The following STX8 variants were observed in gnomAD, a reference collection of about 807,000 sequenced individuals.
The protein encoded by STX8 is syntaxin 8.
STX8 carries 23 observed loss-of-function variants against 37.5 expected under a neutral mutation model. The observed-to-expected ratio is 0.61, with a 90% CI of 0.44 to 0.87. The LOEUF (loss-of-function observed/expected upper bound fraction) is 0.87. STX8 is among the 40% of genes least tolerant of loss of function. STX8 has a pLI of 0.00. For synonymous variants in STX8, 115 were observed against 99.1 expected (o/e 1.16, Z -0.95); for missense variants, 313 against 284.7 (o/e 1.10, Z -0.71).
At chr17:9,431,318 C>T (rs1374150076) in intron 6 of STX8, among the ~76,000 whole-genome samples, 1 of 151,330 alleles carries the variant, frequency 6.6e-6, no homozygotes, top group African/African-American at 2.4e-5. Context: ...ATCCACCTGC[C>T]TCGGCCTCCC....
chr17:9,512,686 G>T (rs1371013705), intron 4 of STX8, among the ~76,000 whole-genome samples: 2 of 151,942 alleles, frequency 1.3e-5, no homozygotes, highest in African/African-American at 4.8e-5. Flanking sequence ...ACTCCAATCT[G>T]CCCACCTCAG....
At position 9,378,556 on chromosome 17, in the gene STX8, A is replaced by G. The variant is rs138013675; in HGVS notation, c.639T>C (p.Ser213=). The change falls in exon 7 of 8, where the codon TCT becomes TCC. Residue 213 remains serine (S), a synonymous_variant. Coordinates refer to ENST00000306357, the MANE Select transcript of STX8 (RefSeq NM_004853.3). ...CATAACGTAGCTATCTCTTACCACAAGAGGCTGACTTTCTGTCCACCATGT... is the reference window on the plus strand; with the variant it reads ...CATAACGTAGCTATCTCTTACCACAGGAGGCTGACTTTCTGTCCACCATGT... The part of the protein sequence containing the change: ...RVNMVDRKSA[S]CGMIMVILLL... 3,775 of 1,613,276 alleles carry G rather than the reference A, an allele frequency of 2.3e-3. 6 individuals carry two copies. Among genetic ancestry groups the G allele is most frequent in the Admixed American group, 3.1e-3 (184 of 59,996 alleles).
chr17:9,484,704 G>A (rs572928671), intron 6 of STX8, among the ~76,000 whole-genome samples: 86 of 151,440 alleles, frequency 5.7e-4, no homozygotes, highest in African/African-American at 2.0e-3. Context: ...GTGCGTGCCC[G>A]TAATCCCAGC....
chr17:9,503,478 A>G (rs1237001495), intron 5 of STX8, among the ~76,000 whole-genome samples: 2 of 152,162 alleles, frequency 1.3e-5, no homozygotes, highest in East Asian at 3.9e-4. Flanking sequence ...CATATCAACT[A>G]CATCTCAATA....
intron 1 of STX8, among the ~76,000 whole-genome samples, chr17:9,573,131 G>A (rs1907751747): frequency 7.2e-6 from 1 of 139,218 alleles, no homozygotes; most frequent in Admixed American, 7.5e-5. Context: ...CTAAGGCAAG[G>A]GCATTCCAAA....
chr17:9,327,905 C>T (rs1018070783), intron 7 of STX8, among the ~76,000 whole-genome samples: 5 of 147,850 alleles, frequency 3.4e-5, no homozygotes, highest in African/African-American at 1.3e-4. Flanking sequence ...CTCCCTCCCT[C>T]CCTTTCCTTC....
At chr17:9,401,211 A>G (rs548549852) in intron 6 of STX8, among the ~76,000 whole-genome samples, 1 of 152,356 alleles carries the variant, frequency 6.6e-6, no homozygotes, top group East Asian at 1.9e-4. Context: ...TTAGAGATTG[A>G]GAAAGTCTAG....
At chr17:9,283,834 G>A (rs187520148) in intron 7 of STX8, among the ~76,000 whole-genome samples, 11 of 152,262 alleles carry the variant, frequency 7.2e-5, no homozygotes, top group African/African-American at 2.4e-4. Context: ...AGTCTACTCA[G>A]AAAAGTCTGA....
intron 6 of STX8, among the ~76,000 whole-genome samples, chr17:9,490,722 T>C (rs141715409): frequency 4.3e-4 from 65 of 152,318 alleles, no homozygotes; most frequent in Non-Finnish European, 7.3e-4. Context: ...AAACCTTAGA[T>C]AGAATACTTT....
chr17:9,566,013 GAACA>G lies in STX8; in HGVS notation c.117+2354_117+2357del, dbSNP rs1907445201. ...CAGAAAAGGAAACTATCCACAGAGT[GAACA>G]AACAACCTACACATTGTGAGAAAAT... is the stretch of plus-strand genomic sequence containing the variant. On this transcript the variant is annotated intron_variant, in intron 2 of 7. Transcript: ENST00000306357. Among the ~76,000 whole-genome samples the G allele has an allele frequency of 5.9e-5, 9 of 152,270 alleles. No individual in the cohort carries two copies. In the South Asian group the frequency reaches 1.9e-3, roughly 32 times the overall value.
chr17:9,452,991 A>G (rs1905089128), intron 6 of STX8, among the ~76,000 whole-genome samples: 2 of 152,016 alleles, frequency 1.3e-5, no homozygotes, highest in East Asian at 3.9e-4. Flanking sequence ...TTTTTAGTAG[A>G]GACGGGGTTT....
chr17:9,336,393 C>T (rs1313601688), intron 7 of STX8, among the ~76,000 whole-genome samples: 1 of 151,604 alleles, frequency 6.6e-6, no homozygotes, highest in South Asian at 2.1e-4. Flanking sequence ...TTCTTTCTCC[C>T]CTTCCCCTTC....
intron 7 of STX8, among the ~76,000 whole-genome samples, chr17:9,271,788 T>C (rs978418571): frequency 6.6e-6 from 1 of 151,540 alleles, no homozygotes; most frequent in African/African-American, 2.4e-5. Flanking sequence ...AAATTCAACT[T>C]CAAGGGTCCT....
chr17:9,275,353 T>A (rs1320811913), intron 7 of STX8, among the ~76,000 whole-genome samples: 3 of 152,202 alleles, frequency 2.0e-5, no homozygotes, highest in Non-Finnish European at 4.4e-5. Flanking sequence ...AAGGGCTGGC[T>A]TCACTGACGC....
chr17:9,382,133 T>C (rs1180925472), intron 6 of STX8, among the ~76,000 whole-genome samples: 1 of 151,782 alleles, frequency 6.6e-6, no homozygotes, highest in Non-Finnish European at 1.5e-5. Flanking sequence ...ACAACTCAGC[T>C]CTAAAGCAAT....
chr17:9,508,346 A>G (rs1414633067), intron 4 of STX8, among the ~76,000 whole-genome samples: 2 of 152,146 alleles, frequency 1.3e-5, no homozygotes, highest in Non-Finnish European at 2.9e-5. Flanking sequence ...ATTTTTTTGG[A>G]GACAGGTTCT....
Position 9,251,464 on chromosome 17 carries a change from C to T in STX8, c.644-819G>A, listed in dbSNP as rs1210357564. 3.9e-5 allele frequency among the ~76,000 whole-genome samples: 6 copies of T among 152,146 alleles called. No individual in the cohort carries two copies. The East Asian group carries it at 5.8e-4, about 15-fold the overall frequency. On this transcript the variant is annotated intron_variant, in intron 7 of 7. Transcript: ENST00000306357. ...AAGGTATAGCATAACAGAGAAGGGG[C>T]GCCCTACTACAAAGTAAGCACTCAA...
At chr17:9,546,592 T>TTTTTTTTG (rs1906531813) in intron 3 of STX8, among the ~76,000 whole-genome samples, 3 of 21,860 alleles carry the variant, frequency 1.4e-4, no homozygotes, top group African/African-American at 3.7e-4. Flanking sequence ...ACAAAAGTGG[T>TTTTTTTTG]TTTTTTTTTT....
At chr17:9,289,612 T>TAA (rs200727934) in intron 7 of STX8, among the ~76,000 whole-genome samples, 112 of 141,336 alleles carry the variant, frequency 7.9e-4, no homozygotes, top group East Asian at 3.4e-3. Flanking sequence ...CCATCTCTAC[T>TAA]AAAAAAAAAA....
Sources: gnomAD v4.1 joint callset for allele counts (sites outside exome capture counted in the v4.1 genomes callset) on GRCh38, gnomAD v4.1.1 for gene constraint, MANE v1.5 for transcripts, NCBI Gene and HGNC (gene_info 2026-07-23, HGNC 2026-07-21) for gene names.